Variants in DPP10 observed in about 807,000 individuals in gnomAD.
DPP10 encodes the protein inactive dipeptidyl peptidase 10.
Under a neutral mutation model 120.9 loss-of-function variants are expected in DPP10, and 33 were observed. That is an observed-to-expected ratio of 0.27 (90% CI 0.21 to 0.37). The LOEUF (loss-of-function observed/expected upper bound fraction) is 0.37. Ranked by LOEUF, DPP10 falls within the 10% of genes least tolerant of loss-of-function variation. DPP10 has a pLI of 1.00. For synonymous variants in DPP10, 337 were observed against 326.1 expected (o/e 1.03, Z -0.36); for missense variants, 816 against 942.8 (o/e 0.87, Z 1.76).
intron 1 of DPP10, among the ~76,000 whole-genome samples, chr2:114,916,926 G>A (rs1694850049): frequency 1.3e-5 from 2 of 152,086 alleles, no homozygotes; most frequent in Non-Finnish European, 2.9e-5. Flanking sequence ...GAATGCCCAC[G>A]CTGACCATTT....
intron 1 of DPP10, among the ~76,000 whole-genome samples, chr2:114,594,128 G>T (rs1362950700): frequency 1.3e-5 from 2 of 152,044 alleles, no homozygotes; most frequent in Non-Finnish European, 2.9e-5. Context: ...AACTGGGTGG[G>T]CACCATCTAA....
At chr2:114,894,974 T>C (rs1451548515) in intron 1 of DPP10, among the ~76,000 whole-genome samples, 1 of 152,160 alleles carries the variant, frequency 6.6e-6, no homozygotes, top group African/African-American at 2.4e-5. Flanking sequence ...TTGTTTTTCT[T>C]ACCAGAAATA....
chr2:115,634,573 G>GGCT (rs1437714336), intron 5 of DPP10, among the ~76,000 whole-genome samples: 1 of 152,144 alleles, frequency 6.6e-6, no homozygotes, highest in Non-Finnish European at 1.5e-5. Context: ...CAGTAAAGAT[G>GGCT]GCTGCCTTTT....
In DPP10 at chr2:114,479,351, A is replaced by G. The variant is rs890479049; in HGVS notation, c.60+36513A>G. Among the ~76,000 whole-genome samples the G allele has an allele frequency of 3.9e-5, 6 of 152,264 alleles. No homozygotes were observed. In the East Asian group the frequency reaches 1.2e-3, roughly 29 times the overall value. ...CTACCTGTTTTAAGGCTTACTGTAT[A>G]ACTACAAAAATAAAATTATTGTGGT... On this transcript the variant is annotated intron_variant, in intron 1 of 25. Transcript: ENST00000410059.
chr2:115,156,504 C>T (rs1173956419), intron 1 of DPP10, among the ~76,000 whole-genome samples: 5 of 152,150 alleles, frequency 3.3e-5, no homozygotes, highest in African/African-American at 1.2e-4. Context: ...TCTTTCCTTC[C>T]AAAAATTAGT....
chr2:115,459,962 T>G (rs2073892421), intron 3 of DPP10, among the ~76,000 whole-genome samples: 1 of 79,484 alleles, frequency 1.3e-5, no homozygotes, highest in Admixed American at 1.6e-4. Context: ...TTTGTTTGCA[T>G]TATTATACTA....
chr2:115,738,907 A>G (rs775831038), intron 8 of DPP10, among the ~76,000 whole-genome samples: 4 of 152,170 alleles, frequency 2.6e-5, no homozygotes, highest in Non-Finnish European at 5.9e-5. Flanking sequence ...TACAAGGAGA[A>G]CATTTGCTGA....
intron 1 of DPP10, among the ~76,000 whole-genome samples, chr2:115,258,077 C>A (rs762900325): frequency 1.3e-5 from 2 of 152,128 alleles, no homozygotes; most frequent in African/African-American, 2.4e-5. Flanking sequence ...GAAAATATTT[C>A]TGTTTAAAAG....
At chr2:115,142,065 C>A (rs1559140615) in intron 1 of DPP10, among the ~76,000 whole-genome samples, 1 of 152,086 alleles carries the variant, frequency 6.6e-6, no homozygotes, top group Non-Finnish European at 1.5e-5. Flanking sequence ...TGAGCCAGCA[C>A]GTGGGGCTAG....
intron 1 of DPP10, among the ~76,000 whole-genome samples, chr2:114,574,776 T>C (rs1389732320): frequency 6.6e-6 from 1 of 152,204 alleles, no homozygotes; most frequent in Non-Finnish European, 1.5e-5. Flanking sequence ...CTTTTTCTTA[T>C]ACATTTGAAA....
intron 5 of DPP10, among the ~76,000 whole-genome samples, chr2:115,666,837 C>A (rs1349447859): frequency 6.6e-6 from 1 of 152,078 alleles, no homozygotes; most frequent in African/African-American, 2.4e-5. Flanking sequence ...ACTAAATTGC[C>A]TCCCACAGTG....
At chr2:115,104,297 A>G (rs1367618833) in intron 1 of DPP10, among the ~76,000 whole-genome samples, 1 of 147,982 alleles carries the variant, frequency 6.8e-6, no homozygotes, top group Non-Finnish European at 1.5e-5. Flanking sequence ...CCTCCTGCCT[A>G]AGCCTCCTGA....
At chr2:115,225,447 TATTG>T (rs2057384549) in intron 1 of DPP10, among the ~76,000 whole-genome samples, 1 of 151,906 alleles carries the variant, frequency 6.6e-6, no homozygotes, top group South Asian at 2.1e-4. Flanking sequence ...TTTTTTTTCT[TATTG>T]AGTGCTTCGA....
rs1166783887 is a variant in DPP10, at chr2:115,844,048, T to C, written c.*1703T>C. ...GGATGCTTTGGAATCGTGTCTTCCA[T>C]GCTCCACTGGGTTCAATTTAAAATA... On this transcript the variant is annotated 3_prime_UTR_variant, in exon 26 of 26. Coordinates refer to ENST00000410059, the MANE Select transcript of DPP10 (RefSeq NM_020868.6). 1 of 152,606 alleles carries C rather than the reference T, an allele frequency of 6.6e-6. No individual in the cohort carries two copies. Among genetic ancestry groups the C allele is most frequent in the African/African-American group, 2.4e-5 (1 of 41,458 alleles). 9.5% of individuals were successfully genotyped at this position (152,606 alleles called of 1,614,324 possible).
intron 1 of DPP10, among the ~76,000 whole-genome samples, chr2:114,474,924 G>A (rs1024882687): frequency 1.3e-5 from 2 of 152,236 alleles, no homozygotes; most frequent in Non-Finnish European, 2.9e-5. Flanking sequence ...AACTGAAAGA[G>A]TGGTCACCCT....
chr2:114,826,155 A>C (rs537502168), intron 1 of DPP10, among the ~76,000 whole-genome samples: 1 of 152,222 alleles, frequency 6.6e-6, no homozygotes, highest in African/African-American at 2.4e-5. Flanking sequence ...TATGTAATGT[A>C]TAGAGTAAAA....
At chr2:114,692,618 A>G (rs549115664) in intron 1 of DPP10, among the ~76,000 whole-genome samples, 1 of 152,110 alleles carries the variant, frequency 6.6e-6, no homozygotes, top group South Asian at 2.1e-4. Context: ...AGCTGAGTTC[A>G]GGTCCTGAAT....
intron 1 of DPP10, among the ~76,000 whole-genome samples, chr2:115,177,356 C>CTAAG (rs887646680): frequency 2.0e-5 from 3 of 152,176 alleles, no homozygotes; most frequent in Admixed American, 6.5e-5. Flanking sequence ...TTTCAGTAAC[C>CTAAG]TAAGCATCTG....
chr2:114,702,145 G>C (rs1199007280), intron 1 of DPP10, among the ~76,000 whole-genome samples: 2 of 152,000 alleles, frequency 1.3e-5, no homozygotes, highest in African/African-American at 4.8e-5. Flanking sequence ...AGGGAAGGTG[G>C]GGCCATGTAT....
Sources: allele counts gnomAD v4.1 joint callset (sites outside exome capture counted in the v4.1 genomes callset), GRCh38; gene constraint gnomAD v4.1.1; transcripts MANE v1.5; gene names NCBI Gene and HGNC (gene_info 2026-07-23, HGNC 2026-07-21).